The following PIGB variants were observed in gnomAD, a reference collection of about 807,000 sequenced individuals.
PIGB encodes the protein GPI alpha-1,2-mannosyltransferase 3.
PIGB carries 58 observed loss-of-function variants against 68.4 expected under a neutral mutation model. That is an observed-to-expected ratio of 0.85 (90% CI 0.69 to 1.06). The LOEUF (loss-of-function observed/expected upper bound fraction) is 1.06. PIGB is among the 50% of genes least tolerant of loss of function. The pLI, the probability that PIGB is intolerant of heterozygous loss-of-function variation, is 0.00. For missense variants in PIGB, 634 were observed against 655.8 expected, an observed-to-expected ratio of 0.97 and a Z score of 0.36; for synonymous variants, 219 against 220.5, an observed-to-expected ratio of 0.99 and a Z score of 0.06.
At chr15:55,330,987 A>G (rs2055400484) in intron 5 of PIGB, among the ~76,000 whole-genome samples, 1 of 152,216 alleles carries the variant, frequency 6.6e-6, no homozygotes, top group Non-Finnish European at 1.5e-5. Context: ...AGAATATCTG[A>G]GCCACACAAA....
rs531263790 is a variant in PIGB at position 55,320,334 on chromosome 15, T to G, written c.223T>G (p.Cys75Gly). ...LFTIALRILN[C>G]FLVQTSFVPD... ...TACCATAGCTTTACGAATATTAAAC[T>G]GCTTTTTAGTGCAGACAAGTTTTGT... is the stretch of plus-strand genomic sequence containing the variant. Residue 75 changes from cysteine to glycine, a missense_variant, in exon 2 of 12, where the codon TGC (cysteine) becomes GGC (glycine). Coordinates refer to ENST00000164305, the MANE Select transcript of PIGB (RefSeq NM_004855.5). 1 of 1,612,822 alleles carries G rather than the reference T, an allele frequency of 6.2e-7. No individual in the cohort carries two copies. The highest frequency in any genetic ancestry group is 1.7e-5 in the Admixed American group (1 of 60,016).
chr15:55,349,339 C>T (rs2055873969), intron 9 of PIGB, among the ~76,000 whole-genome samples: 2 of 151,782 alleles, frequency 1.3e-5, no homozygotes, highest in African/African-American at 2.4e-5. Context: ...CGCACTATCA[C>T]GCCTGGCTAA....
chr15:55,325,421 C>A (rs1244204771), intron 3 of PIGB, among the ~76,000 whole-genome samples: 3 of 152,070 alleles, frequency 2.0e-5, no homozygotes, highest in African/African-American at 7.2e-5. Flanking sequence ...TGTGCTCTAC[C>A]AGCAGTTGTT....
Position 55,320,274 on chromosome 15 carries a change from G to C in PIGB, c.164-1G>C. The C allele has an allele frequency of 6.2e-7, 1 of 1,610,684 alleles. No homozygotes were observed. Among genetic ancestry groups the C allele is most frequent in the Non-Finnish European group, 8.5e-7 (1 of 1,178,578 alleles). On this transcript the variant is annotated splice_acceptor_variant, in intron 1 of 11. Coordinates refer to ENST00000164305, the MANE Select transcript of PIGB (RefSeq NM_004855.5). LOFTEE classifies it high-confidence loss of function. ...ATTACCTGTTTTGTTCTGTTTTTCA[G>C]ATCTTCTTGGAGAAAATATTTATCT... is the stretch of plus-strand genomic sequence containing the variant.
At chr15:55,332,120 G>A (rs577856162) in intron 5 of PIGB, among the ~76,000 whole-genome samples, 235 of 151,202 alleles carry the variant, frequency 1.6e-3, no homozygotes, top group African/African-American at 1.7e-3. Context: ...GACTACAGGC[G>A]CGCACCACCA....
At chr15:55,349,730 T>G (rs1038197255) in intron 9 of PIGB, 1 of 152,184 alleles carries the variant, frequency 6.6e-6, no homozygotes, top group Non-Finnish European at 1.5e-5. Context: ...TTGGTCCCAT[T>G]CAGTATTGTA....
Position 55,324,899 on chromosome 15 carries a change from G to A in PIGB, c.418-2632G>A, listed in dbSNP as rs901672682. 6 of 686,690 alleles carry A rather than the reference G, an allele frequency of 8.7e-6. No homozygotes were observed. The African/African-American group carries it at 9.7e-5, about 11-fold the overall frequency. The allele number at this position is 686,690 out of a possible 1,614,324, so 42.5% of individuals were successfully genotyped here. ...CAGTTTATGTGAAATTAAGTACTGGGTACCTTTAACTTTCCAATTTTAGCA... is the reference window on the plus strand; with the variant it reads ...CAGTTTATGTGAAATTAAGTACTGGATACCTTTAACTTTCCAATTTTAGCA... On this transcript the variant is annotated intron_variant, in intron 3 of 11. Transcript: ENST00000164305.
chr15:55,344,169 T>A (rs2055737384), intron 9 of PIGB, among the ~76,000 whole-genome samples: 1 of 152,240 alleles, frequency 6.6e-6, no homozygotes, highest in South Asian at 2.1e-4. Flanking sequence ...CTCCATTTAT[T>A]ATAATTTACA....
intron 9 of PIGB, among the ~76,000 whole-genome samples, chr15:55,347,680 G>T (rs560075785): frequency 6.6e-6 from 1 of 152,104 alleles, no homozygotes; most frequent in Non-Finnish European, 1.5e-5. Context: ...GCATTGTTCA[G>T]CTGTTCCTTC....
At chr15:55,337,142 T>TATC (rs59543264) in intron 6 of PIGB, among the ~76,000 whole-genome samples, 7,287 of 152,214 alleles carry the variant, frequency 0.048, 587 homozygotes, top group African/African-American at 0.17. Context: ...TTTCATTTGT[T>TATC]ATCAAGGAAA....
intron 9 of PIGB, among the ~76,000 whole-genome samples, chr15:55,348,665 C>T (rs569742298): frequency 3.9e-5 from 6 of 152,310 alleles, no homozygotes; most frequent in South Asian, 2.1e-4. Flanking sequence ...GACTCCCCTT[C>T]ACCTTCTGCC....
rs572455855 is a variant in PIGB, at chr15:55,320,827, G to A, written c.299+417G>A. Among the ~76,000 whole-genome samples, 33 of 152,188 alleles carry A rather than the reference G, an allele frequency of 2.2e-4. No homozygotes were observed. The South Asian group carries it at 2.3e-3, about 11-fold the overall frequency. On this transcript the variant is annotated intron_variant, in intron 2 of 11. Coordinates refer to ENST00000164305, the MANE Select transcript of PIGB (RefSeq NM_004855.5). Reference sequence around the variant, plus strand: ...CTACTATACATATTTTCAGTTTTCCGTATTTTCCCCAAATAATTTTAACTC... The same window carrying A: ...CTACTATACATATTTTCAGTTTTCCATATTTTCCCCAAATAATTTTAACTC...
At chr15:55,319,923 C>A in intron 1 of PIGB, 1 of 189,110 alleles carries the variant, frequency 5.3e-6, no homozygotes, top group Non-Finnish European at 1.1e-5. Context: ...GGCTGCTTCC[C>A]AAATTAGTAA....
At position 55,354,801 on chromosome 15, in the gene PIGB, T is replaced by G; in HGVS notation, c.1341T>G (p.His447Gln). 3 of 1,600,436 alleles carry G rather than the reference T, an allele frequency of 1.9e-6. No individual in the cohort carries two copies. Among genetic ancestry groups the G allele is most frequent in the Non-Finnish European group, 2.6e-6 (3 of 1,176,218 alleles). ...MPCHSTPYYS[H>Q]VHCPLPMRFL... ...ATGGTAACTTTTCTTTTCATAGCCA[T>G]GTTCACTGCCCACTTCCCATGAGAT... Residue 447 changes from histidine to glutamine, a missense_variant, in exon 11 of 12, where the codon CAT (histidine) becomes CAG (glutamine). His to Gln is a conservative substitution (Grantham distance 24). Transcript: ENST00000164305.
chr15:55,330,439 T>C (rs2055387814), intron 5 of PIGB, among the ~76,000 whole-genome samples: 1 of 152,332 alleles, frequency 6.6e-6, no homozygotes, highest in Non-Finnish European at 1.5e-5. Context: ...TGGACTTTAT[T>C]TGGCTTCCTT....
intron 10 of PIGB, chr15:55,351,951 C>CTT (rs551615501): frequency 0.02 from 2,488 of 127,000 alleles, 50 homozygotes; most frequent in Non-Finnish European, 0.033. Context: ...AACTAGACTT[C>CTT]TTTTTTTTTT....
chr15:55,342,838 T>A (rs2055702697), intron 9 of PIGB, among the ~76,000 whole-genome samples: 1 of 152,178 alleles, frequency 6.6e-6, no homozygotes, highest in African/African-American at 2.4e-5. Context: ...TTTACATTGG[T>A]TGGTTTGGAA....
chr15:55,337,049 A>G (rs1486889691), intron 6 of PIGB, among the ~76,000 whole-genome samples: 2 of 152,230 alleles, frequency 1.3e-5, no homozygotes, highest in African/African-American at 4.8e-5. Context: ...TAAGAAAAAG[A>G]TAACTCATAG....
At chr15:55,336,422 G>C (rs546389985) in intron 6 of PIGB, among the ~76,000 whole-genome samples, 15 of 151,918 alleles carry the variant, frequency 9.9e-5, no homozygotes, top group Admixed American at 2.0e-4. Context: ...AATATTCTAC[G>C]TCAAAAATGC....
Sources: gnomAD v4.1 joint callset for allele counts (sites outside exome capture counted in the v4.1 genomes callset) on GRCh38, gnomAD v4.1.1 for gene constraint, MANE v1.5 for transcripts, NCBI Gene and HGNC (gene_info 2026-07-23, HGNC 2026-07-21) for gene names.